The following WRN variants were observed in gnomAD, a reference collection of about 807,000 sequenced individuals.
The protein encoded by WRN is bifunctional 3'-5' exonuclease/ATP-dependent helicase WRN.
A neutral mutation model predicts 180.7 loss-of-function variants in WRN; 149 were observed. That is an observed-to-expected ratio of 0.82 (90% CI 0.72 to 0.94). The LOEUF (loss-of-function observed/expected upper bound fraction) is 0.94. Among genes scored for constraint, WRN ranks in the 40% least tolerant of loss-of-function variants. The pLI, the probability that WRN is intolerant of heterozygous loss-of-function variation, is 0.00. For synonymous variants in WRN, 548 were observed against 568.9 expected (o/e 0.96, Z 0.52); for missense variants, 1,661 against 1,700.1 (o/e 0.98, Z 0.40).
intron 27 of WRN, 50 bp from the exon 28 acceptor site, chr8:31,143,500 A>T: frequency 7.7e-7 from 1 of 1,291,498 alleles, no homozygotes; most frequent in Non-Finnish European, 1.1e-6. Context: ...CTTCACATTT[A>T]AAAGTTTTTT....
At chr8:31,091,761 T>C in intron 15 of WRN, 69 bp from the exon 16 acceptor site, 2 of 1,361,478 alleles carry the variant, frequency 1.5e-6, no homozygotes, top group South Asian at 2.4e-5. Flanking sequence ...TTATTCTTTC[T>C]CACTTAAGAG....
In WRN at chr8:31,116,379, A is replaced by G. The variant is rs756597086; in HGVS notation, c.2299A>G (p.Thr767Ala). 6.2e-7 allele frequency: 1 copy of G among 1,613,998 alleles called. No individual in the cohort carries two copies. Among genetic ancestry groups the G allele is most frequent in the South Asian group, 1.1e-5 (1 of 91,080 alleles). The change falls in exon 20 of 35, where the codon ACA becomes GCA. Residue 767 changes from threonine to alanine, a missense_variant. By Grantham distance (58) the Thr-to-Ala change is moderately conservative. Coordinates refer to ENST00000298139, the MANE Select transcript of WRN (RefSeq NM_000553.6). The stretch of plus-strand genomic sequence containing the variant: ...TTCCCACTGGGAATTTGAAGGTCCA[A>G]CAATCATCTACTGTCCTTCTAGAAA... ...TSSHWEFEGPTIIYCPSRKMT... is the reference protein window; with the variant it reads ...TSSHWEFEGPAIIYCPSRKMT...
intron 16 of WRN, among the ~76,000 whole-genome samples, chr8:31,093,461 T>C (rs1273580472): frequency 1.3e-5 from 2 of 152,348 alleles, no homozygotes; most frequent in East Asian, 3.9e-4. Context: ...TTTCATTGAA[T>C]ATAGCACAGT....
chr8:31,163,532 A>T (rs1803719458), intron 33 of WRN, among the ~76,000 whole-genome samples: 1 of 152,038 alleles, frequency 6.6e-6, no homozygotes. Flanking sequence ...TAAAAGAAAG[A>T]AATATGCAAT....
chr8:31,140,369 G>C (rs1802571590), intron 24 of WRN, among the ~76,000 whole-genome samples: 1 of 152,076 alleles, frequency 6.6e-6, no homozygotes, highest in African/African-American at 2.4e-5. Flanking sequence ...TAGGATGAAT[G>C]AAAGAGGCAG....
rs534753732 is a variant in WRN, at chr8:31,149,056, A to G, written c.3573-1285A>G. ...ATGTTACTTGAGTGCAGAATTTTCT[A>G]ATGACATTACACAGTGCTACATCTG... On this transcript the variant is annotated intron_variant, in intron 30 of 34. Coordinates refer to ENST00000298139, the MANE Select transcript of WRN (RefSeq NM_000553.6). 1.9e-4 allele frequency among the ~76,000 whole-genome samples: 29 copies of G among 152,300 alleles called. No homozygotes were observed. The South Asian group carries it at 6.0e-3, about 32-fold the overall frequency.
In WRN at chr8:31,064,903, A is replaced by T; in HGVS notation, c.356-12A>T. The T allele has an allele frequency of 6.2e-7, 1 of 1,613,236 alleles. No homozygotes were observed. Among genetic ancestry groups the T allele is most frequent in the Non-Finnish European group, 8.5e-7 (1 of 1,179,514 alleles). On this transcript the variant is annotated splice_polypyrimidine_tract_variant and intron_variant, in intron 4 of 34. Transcript: ENST00000298139. ...TGACAGAACTTATGGAAATAACAAG[A>T]AAATGTTACAGTTTTTCCCCAGGGA...
At chr8:31,123,688 A>G (rs1451015590) in intron 21 of WRN, among the ~76,000 whole-genome samples, 1 of 152,140 alleles carries the variant, frequency 6.6e-6, no homozygotes, top group Non-Finnish European at 1.5e-5. Context: ...CTTAGATATT[A>G]TAAGTAAATC....
At chr8:31,137,716 T>C (rs1239408458) in intron 24 of WRN, among the ~76,000 whole-genome samples, 1 of 152,084 alleles carries the variant, frequency 6.6e-6, no homozygotes, top group Admixed American at 6.6e-5. Context: ...AGCTATGACG[T>C]GAACTCAGGT....
chr8:31,142,474 G>T, intron 26 of WRN, 152 bp from the exon 27 acceptor site: 1 of 547,328 alleles, frequency 1.8e-6, no homozygotes, highest in Non-Finnish European at 3.0e-6. Context: ...AAAGCTTCCA[G>T]AGCTTTTTCT....
rs1813592289 is a variant in WRN at position 31,087,824 on chromosome 8, T to G, written c.1480T>G (p.Cys494Gly). Residue 494 changes from cysteine to glycine, a missense_variant, in exon 12 of 35, where the codon TGC (cysteine) becomes GGC (glycine). Physicochemically the swap from Cys to Gly is radical, Grantham distance 159. Transcript: ENST00000298139. The stretch of plus-strand genomic sequence containing the variant: ...CACGGTAGAACCAACTCATTCTAAA[T>G]GCTTAAAAATGGAAAGAAATCTGGG... ...SGTVEPTHSK[C>G]LKMERNLGLP... 2 of 1,613,730 alleles carry G rather than the reference T, an allele frequency of 1.2e-6. No homozygotes were observed. The highest frequency in any genetic ancestry group is 4.5e-5 in the East Asian group (2 of 44,846).
intron 34 of WRN, among the ~76,000 whole-genome samples, chr8:31,172,494 C>T (rs534842863): frequency 2.8e-4 from 43 of 152,186 alleles, no homozygotes; most frequent in African/African-American, 8.9e-4. Flanking sequence ...ATTTATTTAG[C>T]GAATGTTTGT....
At position 31,058,535 on chromosome 8, in the gene WRN, G is replaced by T. The variant is rs1198210848; in HGVS notation, c.88G>T (p.Glu30Ter). The change falls in exon 2 of 35, where the codon GAA becomes TAA. Residue 30 changes from glutamate to a stop codon, truncating the protein, a stop_gained. Transcript: ENST00000298139. LOFTEE classifies it high-confidence loss of function. ...NVQNKRCAVE[E>*]RKACVRKSVF... Reference sequence around the variant, plus strand: ...GCAGAATAAAAGATGTGCTGTAGAAGAAAGAAAGGTATGTTGTTCATTGAC... The same window carrying T: ...GCAGAATAAAAGATGTGCTGTAGAATAAAGAAAGGTATGTTGTTCATTGAC... 4 of 1,613,526 alleles carry T rather than the reference G, an allele frequency of 2.5e-6. No individual in the cohort carries two copies. The highest frequency in any genetic ancestry group is 3.4e-6 in the Non-Finnish European group (4 of 1,179,744).
intron 1 of WRN, among the ~76,000 whole-genome samples, chr8:31,034,852 C>G (rs935807733): frequency 6.6e-6 from 1 of 152,118 alleles, no homozygotes; most frequent in African/African-American, 2.4e-5. Flanking sequence ...TACACTGTAA[C>G]TCATAGGGTA....
intron 1 of WRN, among the ~76,000 whole-genome samples, chr8:31,047,349 C>A (rs1157622099): frequency 6.6e-6 from 1 of 152,046 alleles, no homozygotes; most frequent in African/African-American, 2.4e-5. Flanking sequence ...GCCATGTTGC[C>A]TAGGCTGGAC....
intron 7 of WRN, among the ~76,000 whole-genome samples, chr8:31,070,525 C>T (rs1481631515): frequency 1.3e-5 from 2 of 151,816 alleles, no homozygotes; most frequent in South Asian, 2.1e-4. Context: ...ATGGGAATAC[C>T]GTAGTGAACA....
In WRN at chr8:31,091,848, T is replaced by G; in HGVS notation, c.1848T>G (p.Ala616=). Residue 616 remains alanine, a synonymous_variant, in exon 16 of 35, where the codon GCT becomes GCG. Coordinates refer to ENST00000298139, the MANE Select transcript of WRN (RefSeq NM_000553.6). The stretch of plus-strand genomic sequence containing the variant: ...CTTATAGAATGTCCAACATCCCAGC[T>G]TGCTTCCTTGGATCAGCACAGTCAG... The part of the protein sequence containing the change: ...VLQLKMSNIP[A]CFLGSAQSEN... The G allele has an allele frequency of 6.2e-7, 1 of 1,613,280 alleles. No homozygotes were observed. The highest frequency in any genetic ancestry group is 1.1e-5 in the South Asian group (1 of 91,066).
At chr8:31,101,962 T>C (rs767456666) in intron 18 of WRN, among the ~76,000 whole-genome samples, 21 of 152,122 alleles carry the variant, frequency 1.4e-4, no homozygotes, top group Admixed American at 3.9e-4. Context: ...AGAGGTCCTA[T>C]GTACCTTTCA....
Position 31,069,466 on chromosome 8 carries a change from CA to C in WRN, c.724+1150del, listed in dbSNP as rs547541948. On this transcript the variant is annotated intron_variant, in intron 7 of 34. Transcript: ENST00000298139. ...AACCACAGATTGAGAACATTCAAGCCAAAAAAAAAAATTCACAGTTTTAAAA... is the reference window on the plus strand; with the variant it reads ...AACCACAGATTGAGAACATTCAAGCCAAAAAAAAAATTCACAGTTTTAAAA... Among the ~76,000 whole-genome samples the C allele has an allele frequency of 3.9e-3, 562 of 143,878 alleles. 5 individuals carry two copies. The highest frequency in any genetic ancestry group is 0.013 in the African/African-American group (525 of 39,282). The allele number at this position is 143,878 out of a possible 152,430, so 94.4% of individuals were successfully genotyped here.
Sources: allele counts gnomAD v4.1 joint callset (sites outside exome capture counted in the v4.1 genomes callset), GRCh38; gene constraint gnomAD v4.1.1; transcripts MANE v1.5; gene names NCBI Gene and HGNC (gene_info 2026-07-23, HGNC 2026-07-21).